The following TAFA1 variants were observed in gnomAD, a reference collection of about 807,000 sequenced individuals.
TAFA1 encodes TAFA chemokine like family member 1.
Under a neutral mutation model 18.5 loss-of-function variants are expected in TAFA1, and 4 were observed. The ratio of observed to expected loss-of-function variants is 0.22; its 90% CI spans 0.11 to 0.49. The LOEUF (loss-of-function observed/expected upper bound fraction) is 0.49, where lower values mean the gene tolerates loss of function less well. Ranked by LOEUF, TAFA1 falls within the 20% of genes least tolerant of loss-of-function variation. The probability of loss-of-function intolerance (pLI) is 0.98; values close to 1 mark genes in which losing one functional copy is unlikely to be tolerated. For synonymous variants in TAFA1, 56 were observed against 55.2 expected, an observed-to-expected ratio of 1.01 and a Z score of -0.06; for missense variants, 147 against 169.0, an observed-to-expected ratio of 0.87 and a Z score of 0.72.
At chr3:68,539,681 G>GA (rs1274955964) in intron 4 of TAFA1, among the ~76,000 whole-genome samples, 1 of 21,684 alleles carries the variant, frequency 4.6e-5, no homozygotes, top group African/African-American at 1.4e-4. Flanking sequence ...GTGTGTGTGG[G>GA]GGGGCATGGG....
At chr3:68,286,307 G>T (rs2068005021) in intron 2 of TAFA1, among the ~76,000 whole-genome samples, 1 of 151,974 alleles carries the variant, frequency 6.6e-6, no homozygotes, top group South Asian at 2.1e-4. Flanking sequence ...TGAGGGGTGA[G>T]TTAATGAGTC....
At chr3:68,131,526 CT>C (rs2065537212) in intron 2 of TAFA1, among the ~76,000 whole-genome samples, 2 of 152,220 alleles carry the variant, frequency 1.3e-5, no homozygotes, top group African/African-American at 4.8e-5. Flanking sequence ...CAAACTGCTA[CT>C]GTCCTTATTA....
At chr3:68,152,547 T>C (rs548033722) in intron 2 of TAFA1, among the ~76,000 whole-genome samples, 129 of 152,216 alleles carry the variant, frequency 8.5e-4, no homozygotes, top group Non-Finnish European at 1.4e-3. Flanking sequence ...TCCCATGATA[T>C]GAAGACTTGA....
intron 2 of TAFA1, among the ~76,000 whole-genome samples, chr3:68,245,768 T>C (rs2067065927): frequency 6.6e-6 from 1 of 152,240 alleles, no homozygotes; most frequent in African/African-American, 2.4e-5. Flanking sequence ...ATCCTGCAAG[T>C]ACAGATCACA....
At chr3:68,271,549 G>A (rs1012009589) in intron 2 of TAFA1, among the ~76,000 whole-genome samples, 1 of 152,126 alleles carries the variant, frequency 6.6e-6, no homozygotes, top group African/African-American at 2.4e-5. Context: ...AACCCAAAGG[G>A]AGTAAAATGA....
At chr3:68,172,313 C>A (rs1362350469) in intron 2 of TAFA1, among the ~76,000 whole-genome samples, 1 of 152,096 alleles carries the variant, frequency 6.6e-6, no homozygotes, top group Non-Finnish European at 1.5e-5. Context: ...TATCATTAAT[C>A]CTTAGGGAAA....
rs2073435690 is a variant in TAFA1, at chr3:68,545,016, A to C, written c.*513A>C. On this transcript the variant is annotated 3_prime_UTR_variant, in exon 5 of 5. Transcript: ENST00000478136. Reference sequence around the variant, plus strand: ...AAGATGGCACTGACACGGGAAGGCCAGCTACAGGTGGACTCCTGGAATTTG... The same window carrying C: ...AAGATGGCACTGACACGGGAAGGCCCGCTACAGGTGGACTCCTGGAATTTG... 6.6e-6 allele frequency: 1 copy of C among 152,528 alleles called. No individual in the cohort carries two copies. 9.4% of individuals were successfully genotyped at this position (152,528 alleles called of 1,614,324 possible).
intron 2 of TAFA1, among the ~76,000 whole-genome samples, chr3:68,315,186 A>G (rs889636532): frequency 6.6e-5 from 10 of 152,130 alleles, no homozygotes; most frequent in Admixed American, 2.0e-4. Flanking sequence ...CCACTGAGCA[A>G]TTAGATTTTA....
intron 2 of TAFA1, among the ~76,000 whole-genome samples, chr3:68,023,143 A>T (rs1429649844): frequency 1.3e-5 from 2 of 151,938 alleles, no homozygotes; most frequent in Non-Finnish European, 2.9e-5. Flanking sequence ...TGCCAGTATC[A>T]TTAGTTTTGT....
chr3:68,414,500 C>T (rs963238269), intron 2 of TAFA1, among the ~76,000 whole-genome samples: 5 of 152,122 alleles, frequency 3.3e-5, no homozygotes, highest in Admixed American at 2.6e-4. Context: ...TGACTGGGGT[C>T]ACACTTATGT....
intron 3 of TAFA1, among the ~76,000 whole-genome samples, chr3:68,517,147 G>A (rs932230265): frequency 4.6e-5 from 7 of 152,066 alleles, no homozygotes; most frequent in African/African-American, 1.7e-4. Context: ...GTATTATCAT[G>A]TCTTCAACAC....
chr3:68,224,830 A>G (rs1394261143), intron 2 of TAFA1, among the ~76,000 whole-genome samples: 1 of 150,016 alleles, frequency 6.7e-6, no homozygotes, highest in African/African-American at 2.5e-5. Context: ...GTTACGAGCC[A>G]GGAGGTGTGG....
chr3:68,036,355 C>T (rs1705047208), intron 2 of TAFA1, among the ~76,000 whole-genome samples: 1 of 149,810 alleles, frequency 6.7e-6, no homozygotes. Flanking sequence ...AGGAGAATCA[C>T]TTGAACCCGG....
intron 2 of TAFA1, among the ~76,000 whole-genome samples, chr3:68,206,435 G>A (rs1219649565): frequency 6.6e-6 from 1 of 151,710 alleles, no homozygotes; most frequent in African/African-American, 2.4e-5. Context: ...TGGTGATATT[G>A]TTACTCATGT....
intron 2 of TAFA1, 47 bp from the exon 3 acceptor site, chr3:68,417,233 C>A: frequency 1.3e-6 from 2 of 1,582,794 alleles, no homozygotes; most frequent in South Asian, 1.1e-5. Flanking sequence ...CTCGAATAGT[C>A]ACTGAGTTAT....
At chr3:68,007,753 C>A (rs570622306) in intron 2 of TAFA1, among the ~76,000 whole-genome samples, 11 of 152,278 alleles carry the variant, frequency 7.2e-5, no homozygotes, top group Non-Finnish European at 1.0e-4. Flanking sequence ...CTCCTCCCCC[C>A]ATCCGTCGAG....
At chr3:68,078,257 C>T (rs963662033) in intron 2 of TAFA1, among the ~76,000 whole-genome samples, 16 of 152,090 alleles carry the variant, frequency 1.1e-4, no homozygotes, top group East Asian at 3.9e-4. Flanking sequence ...CATCTGCAAA[C>T]AGGGACAATT....
intron 2 of TAFA1, among the ~76,000 whole-genome samples, chr3:68,312,467 A>G (rs941861073): frequency 6.6e-6 from 1 of 152,170 alleles, no homozygotes; most frequent in African/African-American, 2.4e-5. Context: ...TTTTTCCACC[A>G]GATACCCTAA....
chr3:68,283,338 A>G (rs1431864514), intron 2 of TAFA1, among the ~76,000 whole-genome samples: 1 of 152,124 alleles, frequency 6.6e-6, no homozygotes, highest in African/African-American at 2.4e-5. Context: ...GCTGTTTCTC[A>G]AGCTTCAGTA....
Sources: gnomAD v4.1 joint callset for allele counts (sites outside exome capture counted in the v4.1 genomes callset) on GRCh38, gnomAD v4.1.1 for gene constraint, MANE v1.5 for transcripts, NCBI Gene and HGNC (gene_info 2026-07-23, HGNC 2026-07-21) for gene names.